DCUN1D4: variants seen among roughly 807,000 people sequenced by gnomAD.
The protein encoded by DCUN1D4 is defective in cullin neddylation 1 domain containing 4, also known as DCN1-like protein 4.
DCUN1D4 carries 22 observed loss-of-function variants against 47.9 expected under a neutral mutation model. The observed-to-expected ratio is 0.46, with a 90% CI of 0.33 to 0.66. DCUN1D4 has a LOEUF of 0.66. Among genes scored for constraint, DCUN1D4 ranks in the 30% least tolerant of loss-of-function variants. The probability of loss-of-function intolerance (pLI) is 0.02; values close to 1 mark genes in which losing one functional copy is unlikely to be tolerated. For missense variants in DCUN1D4, 301 were observed against 340.8 expected, an observed-to-expected ratio of 0.88 and a Z score of 0.92; for synonymous variants, 121 against 112.2, an observed-to-expected ratio of 1.08 and a Z score of -0.50.
chr4:51,857,185 T>A (rs1724267251), intron 1 of DCUN1D4, among the ~76,000 whole-genome samples: 2 of 152,206 alleles, frequency 1.3e-5, no homozygotes, highest in African/African-American at 4.8e-5. Flanking sequence ...TCTTTTCATC[T>A]CGCTTCTTCC....
intron 1 of DCUN1D4, among the ~76,000 whole-genome samples, chr4:51,852,089 T>G (rs1392985105): frequency 6.6e-6 from 1 of 152,228 alleles, no homozygotes; most frequent in Non-Finnish European, 1.5e-5. Context: ...CTCTTGGTTC[T>G]TTTCTTCTTG....
At chr4:51,845,154 C>T in intron 1 of DCUN1D4, 1 of 985,476 alleles carries the variant, frequency 1.0e-6, no homozygotes. Context: ...GTAAAGCAGC[C>T]TTTAGAATGG....
chr4:51,879,463 C>T (rs1295808435), intron 5 of DCUN1D4, among the ~76,000 whole-genome samples: 5 of 152,110 alleles, frequency 3.3e-5, no homozygotes, highest in African/African-American at 4.8e-5. Flanking sequence ...AAAAACTAGC[C>T]AGTTGTGGTG....
At chr4:51,866,406 TGATG>T (rs1228721622) in intron 3 of DCUN1D4, among the ~76,000 whole-genome samples, 7 of 118,214 alleles carry the variant, frequency 5.9e-5, no homozygotes, top group African/African-American at 3.5e-4. Context: ...ATGATGATGA[TGATG>T]TATTTTTTCC....
At chr4:51,840,866 C>G (rs1024810692), upstream of DCUN1D4, among the ~76,000 whole-genome samples, 2 of 152,278 alleles carry the variant, frequency 1.3e-5, no homozygotes, top group African/African-American at 4.8e-5. Context: ...CCTCTCAATC[C>G]TTAGGCTATA....
rs1734315654 is a variant in DCUN1D4, at chr4:51,916,274, C to T, written c.*2690C>T. On this transcript the variant is annotated 3_prime_UTR_variant, in exon 11 of 11. Coordinates refer to ENST00000334635, the MANE Select transcript of DCUN1D4 (RefSeq NM_001040402.3). ...TATTATTTGATTTGCCTCAAACATC[C>T]ACTGTAATGTTACATGCACCTTTTT... is the stretch of plus-strand genomic sequence containing the variant. The T allele has an allele frequency of 6.6e-6, 1 of 152,156 alleles. No individual in the cohort carries two copies. Among genetic ancestry groups the T allele is most frequent in the Admixed American group, 6.6e-5 (1 of 15,250 alleles). The allele number at this position is 152,156 out of a possible 1,614,324, so 9.4% of individuals were successfully genotyped here.
At chr4:51,842,614 G>T (rs1721779109), upstream of DCUN1D4, among the ~76,000 whole-genome samples, 1 of 152,248 alleles carries the variant, frequency 6.6e-6, no homozygotes, top group African/African-American at 2.4e-5. Context: ...AGTTCGGCGC[G>T]AACTGGACAA....
intron 1 of DCUN1D4, among the ~76,000 whole-genome samples, chr4:51,859,981 A>G (rs746933122): frequency 6.6e-6 from 1 of 152,186 alleles, no homozygotes; most frequent in Non-Finnish European, 1.5e-5. Context: ...CTTTACCCTT[A>G]ACATCTAGGC....
chr4:51,843,178 TG>T lies in DCUN1D4; in HGVS notation c.-63del. On this transcript the variant is annotated 5_prime_UTR_variant, in exon 1 of 11. Coordinates refer to ENST00000334635, the MANE Select transcript of DCUN1D4 (RefSeq NM_001040402.3). ...AGCTTCGAGCCGAGGTGCAGTGAGC[TG>T]GTGGGGGGACCGCGAGGCGAGCGCG... 1 of 1,532,904 alleles carries T rather than the reference TG, an allele frequency of 6.5e-7. No homozygotes were observed. The highest frequency in any genetic ancestry group is 8.8e-7 in the Non-Finnish European group (1 of 1,140,662). 95.0% of individuals were successfully genotyped at this position (1,532,904 alleles called of 1,614,324 possible). A position where few individuals can be genotyped will look rare whatever the true frequency, so the allele number is the denominator to read the frequency against.
At chr4:51,898,372 C>T (rs1032929611) in intron 7 of DCUN1D4, among the ~76,000 whole-genome samples, 2 of 152,122 alleles carry the variant, frequency 1.3e-5, no homozygotes, top group African/African-American at 4.8e-5. Flanking sequence ...GGCAGACTTA[C>T]CGCTAGTGGA....
At chr4:51,875,167 A>C (rs1254634820) in intron 4 of DCUN1D4, 3 of 152,136 alleles carry the variant, frequency 2.0e-5, no homozygotes, top group Non-Finnish European at 4.4e-5. Context: ...AATAAGAAAG[A>C]CTCTGAAAAT....
the DCUN1D4 span, among the ~76,000 whole-genome samples, chr4:51,835,054 T>C: frequency 2.0e-5 from 3 of 152,150 alleles, no homozygotes; most frequent in African/African-American, 7.2e-5. Context: ...AAGACTATGC[T>C]AGGTGTTTAC....
At position 51,913,715 on chromosome 4, in the gene DCUN1D4, G is replaced by A. The variant is rs1255759612; in HGVS notation, c.*131G>A. On this transcript the variant is annotated 3_prime_UTR_variant, in exon 11 of 11. Coordinates refer to ENST00000334635, the MANE Select transcript of DCUN1D4 (RefSeq NM_001040402.3). ...TTCCCTTTCGCAGGGACATGTTGGT[G>A]TTTGCTATTGAATTGGCCAGCTCTG... is the stretch of plus-strand genomic sequence containing the variant. The A allele has an allele frequency of 2.4e-6, 2 of 816,656 alleles. No individual in the cohort carries two copies. Among genetic ancestry groups the A allele is most frequent in the African/African-American group, 3.4e-5 (2 of 59,210 alleles). 50.6% of individuals were successfully genotyped at this position (816,656 alleles called of 1,614,324 possible).
At chr4:51,843,935 A>T (rs183693237) in intron 1 of DCUN1D4, among the ~76,000 whole-genome samples, 995 of 72,426 alleles carry the variant, frequency 0.014, 7 homozygotes, top group Admixed American at 0.019. Context: ...GTGTAATGGT[A>T]GTTGGGGAGT....
At chr4:51,841,681 G>A (rs1721663136), upstream of DCUN1D4, among the ~76,000 whole-genome samples, 1 of 152,090 alleles carries the variant, frequency 6.6e-6, no homozygotes, top group East Asian at 1.9e-4. Flanking sequence ...GATTAAGATG[G>A]AGGGAGCATT....
intron 5 of DCUN1D4, among the ~76,000 whole-genome samples, chr4:51,879,586 G>A (rs368357436): frequency 4.6e-5 from 7 of 152,316 alleles, no homozygotes; most frequent in East Asian, 1.9e-4. Context: ...CAGCCTGGGC[G>A]ACAGAGCAAG....
At chr4:51,903,433 A>G (rs570705836) in intron 8 of DCUN1D4, among the ~76,000 whole-genome samples, 2 of 151,708 alleles carry the variant, frequency 1.3e-5, no homozygotes, top group South Asian at 4.2e-4. Context: ...TTCTCTTTCC[A>G]TTGCTTTTTT....
chr4:51,912,681 T>C (rs1302085816), intron 9 of DCUN1D4, among the ~76,000 whole-genome samples: 2 of 152,240 alleles, frequency 1.3e-5, no homozygotes, highest in Non-Finnish European at 2.9e-5. Context: ...ACAGCTATTC[T>C]AGCTTCTTTT....
chr4:51,848,573 A>G (rs1304097568), intron 1 of DCUN1D4, among the ~76,000 whole-genome samples: 2 of 152,230 alleles, frequency 1.3e-5, no homozygotes, highest in African/African-American at 4.8e-5. Flanking sequence ...TCGAATTGGT[A>G]TTAATTCTTC....
Sources: allele counts gnomAD v4.1 joint callset (sites outside exome capture counted in the v4.1 genomes callset), GRCh38; gene constraint gnomAD v4.1.1; transcripts MANE v1.5; gene names NCBI Gene and HGNC (gene_info 2026-07-23, HGNC 2026-07-21).